TMPRSS6: variants seen among roughly 807,000 people sequenced by gnomAD.
The protein encoded by TMPRSS6 is transmembrane serine protease 6.
In TMPRSS6, 67 loss-of-function variants were observed where a neutral mutation model predicts 101.5. The observed-to-expected ratio is 0.66, with a 90% CI of 0.54 to 0.81. The LOEUF (loss-of-function observed/expected upper bound fraction) is 0.81. Ranked by LOEUF, TMPRSS6 falls within the 30% of genes least tolerant of loss-of-function variation. The probability of loss-of-function intolerance (pLI) is 0.00; values close to 1 mark genes in which losing one functional copy is unlikely to be tolerated. For missense variants in TMPRSS6, 1,034 were observed against 1,088.7 expected (o/e 0.95, Z 0.71); for synonymous variants, 453 against 464.9 (o/e 0.97, Z 0.33).
At chr22:37,089,833 G>A in intron 6 of TMPRSS6, 51 bp from the exon 7 acceptor site, 1 of 1,565,580 alleles carries the variant, frequency 6.4e-7, no homozygotes, top group South Asian at 1.2e-5. Flanking sequence ...CCAGAAGGAG[G>A]GGACCCTGGG....
Position 37,104,962 on chromosome 22 carries a change from G to GAAAA in TMPRSS6, c.-1-1548_-1-1545dup, listed in dbSNP as rs57543962. 5.8e-3 allele frequency among the ~76,000 whole-genome samples: 832 copies of GAAAA among 143,578 alleles called. 10 individuals carry two copies. Among genetic ancestry groups the GAAAA allele is most frequent in the African/African-American group, 0.019 (725 of 39,048 alleles). 94.2% of individuals were successfully genotyped at this position (143,578 alleles called of 152,430 possible). A position where few individuals can be genotyped will look rare whatever the true frequency, so the allele number is the denominator to read the frequency against. On this transcript the variant is annotated intron_variant, in intron 1 of 17. Transcript: ENST00000676104. The stretch of plus-strand genomic sequence containing the variant: ...GGTGACAGAGCAAGACTCTGCTTGA[G>GAAAA]AAAAAAAAAAACATAAAAAAATAAA...
At chr22:37,076,914 G>A (rs1382958735) in intron 10 of TMPRSS6, among the ~76,000 whole-genome samples, 2 of 152,206 alleles carry the variant, frequency 1.3e-5, no homozygotes, top group East Asian at 3.8e-4. Flanking sequence ...GGCCAGTGGG[G>A]ACATCCCACA....
chr22:37,104,806 C>T (rs917627406), intron 1 of TMPRSS6, among the ~76,000 whole-genome samples: 1 of 151,898 alleles, frequency 6.6e-6, no homozygotes, highest in Non-Finnish European at 1.5e-5. Context: ...ATGAAAAATA[C>T]AAAAATTAGC....
At chr22:37,082,093 G>A (rs955643193) in intron 10 of TMPRSS6, among the ~76,000 whole-genome samples, 1 of 152,156 alleles carries the variant, frequency 6.6e-6, no homozygotes, top group Non-Finnish European at 1.5e-5. Context: ...CAGGAAGCAT[G>A]GGGTGGAGCA....
At chr22:37,093,391 T>C (rs1184742018) in intron 6 of TMPRSS6, among the ~76,000 whole-genome samples, 2 of 44,902 alleles carry the variant, frequency 4.5e-5, no homozygotes, top group Non-Finnish European at 4.7e-5. Flanking sequence ...TTTCTTTTTT[T>C]TTTTTTTTTT....
chr22:37,072,041 T>C (rs1339115753), intron 13 of TMPRSS6, among the ~76,000 whole-genome samples: 1 of 130,880 alleles, frequency 7.6e-6, no homozygotes, highest in African/African-American at 3.0e-5. Flanking sequence ...AATGGATGGA[T>C]GGTGGATGGA....
At chr22:37,079,879 G>A (rs575006330) in intron 10 of TMPRSS6, among the ~76,000 whole-genome samples, 1 of 152,364 alleles carries the variant, frequency 6.6e-6, no homozygotes, top group South Asian at 2.1e-4. Flanking sequence ...CTAAGTGTCT[G>A]TGGCTGCCGC....
intron 8 of TMPRSS6, 38 bp from the exon 9 acceptor site, chr22:37,084,877 G>A (rs1234399969): frequency 6.6e-7 from 1 of 1,504,860 alleles, no homozygotes; most frequent in Non-Finnish European, 9.0e-7. Flanking sequence ...GGGGTCCCCT[G>A]GCTGCACCTC....
In TMPRSS6 at chr22:37,078,780, AGG is replaced by A. The variant is rs1233834203; in HGVS notation, c.1197-3502_1197-3501del. ...GAGAAAGAGAATGAGGAGAAGGAGGAGGAGAAGAAGAAGGAGGAGGAGGAAGA... is the reference window on the plus strand; with the variant it reads ...GAGAAAGAGAATGAGGAGAAGGAGGAAGAAGAAGAAGGAGGAGGAGGAAGA... On this transcript the variant is annotated intron_variant, in intron 10 of 17. Coordinates refer to ENST00000676104, the MANE Select transcript of TMPRSS6 (RefSeq NM_001374504.1). Among the ~76,000 whole-genome samples the A allele has an allele frequency of 1.6e-3, 227 of 146,138 alleles. 1 individual carries two copies. Among genetic ancestry groups the A allele is most frequent in the African/African-American group, 5.5e-3 (215 of 39,072 alleles).
chr22:37,085,647 G>C (rs1884226926), intron 8 of TMPRSS6, among the ~76,000 whole-genome samples: 1 of 152,140 alleles, frequency 6.6e-6, no homozygotes, highest in Admixed American at 6.5e-5. Context: ...TCCCATGCGG[G>C]GTGGGACGTG....
intron 6 of TMPRSS6, among the ~76,000 whole-genome samples, chr22:37,092,346 TTG>T (rs2146135901): frequency 6.6e-6 from 1 of 152,260 alleles, no homozygotes; most frequent in African/African-American, 2.4e-5. Flanking sequence ...TTTTATTTTA[TTG>T]TTGAGACAGC....
Position 37,084,285 on chromosome 22 carries a change from G to C in TMPRSS6, c.1196+10C>G, listed in dbSNP as rs544651608. The stretch of plus-strand genomic sequence containing the variant: ...GGAAAGGAAGCCAGAGGGAGGAGAG[G>C]AAGTGGTACCTCCTGTTCTGGATCG... On this transcript the variant is annotated intron_variant, in intron 10 of 17. Transcript: ENST00000676104. 4.3e-6 allele frequency: 7 copies of C among 1,609,878 alleles called. No individual in the cohort carries two copies. In the Admixed American group the frequency reaches 1.0e-4, roughly 23 times the overall value.
At chr22:37,072,453 TGATGGATGGATG>T (rs200830764) in intron 13 of TMPRSS6, among the ~76,000 whole-genome samples, 171 of 93,586 alleles carry the variant, frequency 1.8e-3, no homozygotes, top group Non-Finnish European at 3.0e-3. Flanking sequence ...GATGGATGGA[TGATGGATGGATG>T]GATGGATGGA....
At position 37,069,326 on chromosome 22, in the gene TMPRSS6, C is replaced by T. The variant is rs1235541263; in HGVS notation, c.1860G>A (p.Leu620=). ...ACACCTTGCCCAGGAACACGGTCCACAGCACCGTGGAGGCCATGCTGGGGT... is the reference window on the plus strand; with the variant it reads ...ACACCTTGCCCAGGAACACGGTCCATAGCACCGTGGAGGCCATGCTGGGGT... ...FQEDSMASTV[L]WTVFLGKVWQ... The change falls in exon 16 of 18, where the codon CTG becomes CTA. Residue 620 remains leucine (L), a synonymous_variant. Coordinates refer to ENST00000676104, the MANE Select transcript of TMPRSS6 (RefSeq NM_001374504.1). The surrounding 1 kb of genome is among the most constrained non-coding windows in gnomAD (Gnocchi z 4.8). 6.4e-7 allele frequency: 1 copy of T among 1,552,222 alleles called. No individual in the cohort carries two copies. The highest frequency in any genetic ancestry group is 8.7e-7 in the Non-Finnish European group (1 of 1,154,430).
intron 6 of TMPRSS6, among the ~76,000 whole-genome samples, chr22:37,092,323 C>T (rs1405932478): frequency 1.3e-5 from 2 of 151,878 alleles, no homozygotes; most frequent in African/African-American, 2.4e-5. Flanking sequence ...ATTTCTTTTT[C>T]TTTTGAAAAT....
chr22:37,089,552 T>TCCCCCCCC, intron 7 of TMPRSS6, 26 bp downstream of exon 7: 10 of 938,120 alleles, frequency 1.1e-5, no homozygotes, highest in South Asian at 4.1e-5. Flanking sequence ...CAGCCCTCCC[T>TCCCCCCCC]CCTGCCCTCC....
chr22:37,103,145 T>C lies in TMPRSS6; in HGVS notation c.202+71A>G. On this transcript the variant is annotated intron_variant, in intron 2 of 17. Transcript: ENST00000676104. This position sits in a 1 kb window ranked among gnomAD's most constrained non-coding sequence, Gnocchi z 4.4. ...CGGCTGAGCCTGGAACCCAGTCCTGTCCTGCTGTGCCTGCTACAGTCACCC... is the reference window on the plus strand; with the variant it reads ...CGGCTGAGCCTGGAACCCAGTCCTGCCCTGCTGTGCCTGCTACAGTCACCC... 1 of 1,526,812 alleles carries C rather than the reference T, an allele frequency of 6.5e-7. No homozygotes were observed. Among genetic ancestry groups the C allele is most frequent in the Non-Finnish European group, 9.0e-7 (1 of 1,106,170 alleles). 94.6% of individuals were successfully genotyped at this position (1,526,812 alleles called of 1,614,324 possible).
At chr22:37,082,592 G>T (rs981394806) in intron 10 of TMPRSS6, 1 of 198,026 alleles carries the variant, frequency 5.0e-6, no homozygotes, top group Admixed American at 5.3e-5. Context: ...TGAGCTCCAT[G>T]AGGGGTCAGG....
rs1181581576 is a variant in TMPRSS6, at chr22:37,078,922, AAG to A, written c.1197-3644_1197-3643del. Among the ~76,000 whole-genome samples the A allele has an allele frequency of 5.0e-4, 64 of 128,470 alleles. 1 individual carries two copies. In the South Asian group the frequency reaches 0.015, roughly 30 times the overall value. The allele number at this position is 128,470 out of a possible 152,430, so 84.3% of individuals were successfully genotyped here. ...TAAGGAAGAAGAAAGAAGAAAGAGA[AAG>A]AAGAGGAAGAAGGAGAAGGAGAAGG... On this transcript the variant is annotated intron_variant, in intron 10 of 17. Transcript: ENST00000676104.
Sources: allele counts gnomAD v4.1 joint callset (sites outside exome capture counted in the v4.1 genomes callset), GRCh38; gene constraint gnomAD v4.1.1; non-coding constraint Gnocchi (gnomAD v3.1); transcripts MANE v1.5; gene names NCBI Gene and HGNC (gene_info 2026-07-23, HGNC 2026-07-21).